Variants in MAGI1 observed in about 807,000 individuals in gnomAD.
The protein encoded by MAGI1 is membrane associated guanylate kinase, WW and PDZ domain containing 1.
A neutral mutation model predicts 139.9 loss-of-function variants in MAGI1; 58 were observed. That is an observed-to-expected ratio of 0.41 (90% CI 0.34 to 0.52). MAGI1 has a LOEUF of 0.52. MAGI1 is among the 20% of genes least tolerant of loss of function. The pLI, the probability that MAGI1 is intolerant of heterozygous loss-of-function variation, is 0.12. For missense variants in MAGI1, 1,874 were observed against 1,901.6 expected (o/e 0.99, Z 0.27); for synonymous variants, 812 against 737.9 (o/e 1.10, Z -1.63).
At chr3:65,469,179 T>C (rs1030736896) in intron 5 of MAGI1, among the ~76,000 whole-genome samples, 2 of 152,156 alleles carry the variant, frequency 1.3e-5, no homozygotes, top group African/African-American at 4.8e-5. Context: ...ATGTAGGATA[T>C]GTGTGTATAC....
chr3:65,702,446 C>A (rs2089678472), intron 1 of MAGI1, among the ~76,000 whole-genome samples: 1 of 151,896 alleles, frequency 6.6e-6, no homozygotes, highest in Non-Finnish European at 1.5e-5. Context: ...AGAGGTGACA[C>A]ACACGACAGT....
intron 1 of MAGI1, among the ~76,000 whole-genome samples, chr3:65,833,150 C>T (rs909048342): frequency 1.1e-4 from 17 of 151,448 alleles, no homozygotes; most frequent in African/African-American, 3.6e-4. Flanking sequence ...CAGAATCTCA[C>T]TCTGTCACCC....
chr3:65,561,878 A>G (rs904340038), intron 2 of MAGI1, among the ~76,000 whole-genome samples: 2 of 152,146 alleles, frequency 1.3e-5, no homozygotes, highest in African/African-American at 2.4e-5. Context: ...AACCCCCCCA[A>G]TACAGTTTCA....
chr3:65,370,233 A>C (rs1941849415), intron 18 of MAGI1, among the ~76,000 whole-genome samples: 1 of 151,974 alleles, frequency 6.6e-6, no homozygotes, highest in African/African-American at 2.4e-5. Flanking sequence ...ATGCCACTGC[A>C]CTCTAGCCTG....
intron 2 of MAGI1, among the ~76,000 whole-genome samples, chr3:65,494,701 A>G (rs947015625): frequency 6.6e-6 from 1 of 152,232 alleles, no homozygotes; most frequent in Non-Finnish European, 1.5e-5. Flanking sequence ...ATGTAATGCA[A>G]TTAAATAACC....
At chr3:65,892,369 C>G (rs2060807354) in intron 1 of MAGI1, among the ~76,000 whole-genome samples, 1 of 152,078 alleles carries the variant, frequency 6.6e-6, no homozygotes, top group South Asian at 2.1e-4. Context: ...GAAAACTTTG[C>G]ATAACTTTTT....
chr3:65,785,340 C>A (rs2039299053), intron 1 of MAGI1, among the ~76,000 whole-genome samples: 1 of 152,134 alleles, frequency 6.6e-6, no homozygotes, highest in Non-Finnish European at 1.5e-5. Flanking sequence ...ATTCTTCCCC[C>A]TTTTCTTGGA....
At chr3:65,686,482 A>G (rs188409053) in intron 1 of MAGI1, among the ~76,000 whole-genome samples, 221 of 152,118 alleles carry the variant, frequency 1.5e-3, no homozygotes, top group African/African-American at 4.8e-3. Context: ...TAGTAGAGAC[A>G]GGTTTTCACC....
At chr3:65,895,071 T>C (rs918408081) in intron 1 of MAGI1, among the ~76,000 whole-genome samples, 3 of 152,236 alleles carry the variant, frequency 2.0e-5, no homozygotes, top group African/African-American at 7.2e-5. Context: ...TCTTTTATTT[T>C]AGATATCTGT....
intron 1 of MAGI1, among the ~76,000 whole-genome samples, chr3:65,958,677 T>C (rs2064253917): frequency 6.6e-6 from 1 of 152,048 alleles, no homozygotes; most frequent in East Asian, 1.9e-4. Context: ...CTGATGCCCA[T>C]GGTGCTTGTG....
rs563636456 is a variant in MAGI1 at position 65,539,978 on chromosome 3, G to A, written c.431-46347C>T. 3.5e-4 allele frequency among the ~76,000 whole-genome samples: 54 copies of A among 152,216 alleles called. 1 individual carries two copies. In the South Asian group the frequency reaches 0.011, roughly 31 times the overall value. On this transcript the variant is annotated intron_variant, in intron 2 of 22. Coordinates refer to ENST00000402939, the MANE Select transcript of MAGI1 (RefSeq NM_001033057.2). ...TCTGCCACTTACTACCTGAACTCAG[G>A]CAAGTAAGGTAACCTCTCTCACTTC... is the stretch of plus-strand genomic sequence containing the variant.
intron 1 of MAGI1, among the ~76,000 whole-genome samples, chr3:65,696,096 C>T (rs1359824979): frequency 6.6e-6 from 1 of 152,178 alleles, no homozygotes; most frequent in South Asian, 2.1e-4. Flanking sequence ...GCTTCACTGG[C>T]GTCTTTACTA....
chr3:65,494,696 A>G (rs1952295828), intron 2 of MAGI1, among the ~76,000 whole-genome samples: 1 of 152,230 alleles, frequency 6.6e-6, no homozygotes, highest in South Asian at 2.1e-4. Flanking sequence ...TTGAAATGTA[A>G]TGCAATTAAA....
At chr3:65,487,324 T>C (rs1268455402) in intron 3 of MAGI1, among the ~76,000 whole-genome samples, 1 of 152,222 alleles carries the variant, frequency 6.6e-6, no homozygotes, top group Non-Finnish European at 1.5e-5. Flanking sequence ...TTAAGACCCA[T>C]AAAGACAGTG....
At chr3:65,432,808 G>A (rs1947563241) in intron 10 of MAGI1, among the ~76,000 whole-genome samples, 1 of 152,108 alleles carries the variant, frequency 6.6e-6, no homozygotes, top group Admixed American at 6.6e-5. Flanking sequence ...CTTGTAGCAG[G>A]TGCTGCTAGG....
At chr3:65,705,793 T>G (rs1043917903) in intron 1 of MAGI1, among the ~76,000 whole-genome samples, 2 of 152,230 alleles carry the variant, frequency 1.3e-5, no homozygotes, top group Admixed American at 1.3e-4. Context: ...AACTTTTAAG[T>G]CTCTTGTTCA....
intron 1 of MAGI1, among the ~76,000 whole-genome samples, chr3:65,798,616 A>G (rs2040306660): frequency 1.7e-5 from 2 of 119,116 alleles, no homozygotes; most frequent in Non-Finnish European, 3.6e-5. Flanking sequence ...TGCAGTCAAA[A>G]TAAATATTCC....
At chr3:65,448,529 G>C (rs576402415) in intron 6 of MAGI1, among the ~76,000 whole-genome samples, 5 of 152,126 alleles carry the variant, frequency 3.3e-5, no homozygotes, top group Admixed American at 3.3e-4. Context: ...AATGGAAGGT[G>C]AGGTCAAATT....
chr3:65,357,137 C>T lies in MAGI1; in HGVS notation c.3635-5G>A. ...CGTGGCGGTCGCTGCTGGGGTCTGC[C>T]AGGAAAATAAACGAGAGCAACAGTT... On this transcript the variant is annotated splice_region_variant and splice_polypyrimidine_tract_variant and intron_variant, in intron 22 of 22. Transcript: ENST00000402939. 4 of 1,600,878 alleles carry T rather than the reference C, an allele frequency of 2.5e-6. No homozygotes were observed. The highest frequency in any genetic ancestry group is 3.4e-6 in the Non-Finnish European group (4 of 1,172,846).
Sources: gnomAD v4.1 joint callset for allele counts (sites outside exome capture counted in the v4.1 genomes callset) on GRCh38, gnomAD v4.1.1 for gene constraint, MANE v1.5 for transcripts, NCBI Gene and HGNC (gene_info 2026-07-23, HGNC 2026-07-21) for gene names.